LTB4R2: variants seen among roughly 807,000 people sequenced by gnomAD.
LTB4R2 encodes LTB4 receptor JULF2.
Under a neutral mutation model 5.3 loss-of-function variants are expected in LTB4R2, and 6 were observed. The ratio of observed to expected loss-of-function variants is 1.14; its 90% CI spans 0.62 to 2.24. The LOEUF (loss-of-function observed/expected upper bound fraction) is 2.24, where lower values mean the gene tolerates loss of function less well. Ranked by LOEUF, LTB4R2 falls within the 30% of genes most tolerant of loss-of-function variation. The probability of loss-of-function intolerance (pLI) is 0.00; values close to 1 mark genes in which losing one functional copy is unlikely to be tolerated. For missense variants in LTB4R2, 560 were observed against 521.5 expected (o/e 1.07, Z -0.72); for synonymous variants, 310 against 264.2 (o/e 1.17, Z -1.68).
rs377045409 is a variant in LTB4R2, at chr14:24,311,643, C to T, written c.979C>T (p.Leu327Phe). Residue 327 changes from leucine (L) to phenylalanine (F), a missense_variant, in exon 2 of 2, where the codon CTC becomes TTC. By Grantham distance (22) the Leu-to-Phe change is conservative. Transcript: ENST00000533293. Reference sequence around the variant, plus strand: ...CCGCTCTAGGGAAGGGACCATGGAGCTCCGAACTACCCCTCAGCTGAAAGT... The same window carrying T: ...CCGCTCTAGGGAAGGGACCATGGAGTTCCGAACTACCCCTCAGCTGAAAGT... The part of the protein sequence containing the change: ...GGRSREGTME[L>F]RTTPQLKVVG... 1 of 1,613,378 alleles carries T rather than the reference C, an allele frequency of 6.2e-7. No homozygotes were observed. The highest frequency in any genetic ancestry group is 8.5e-7 in the Non-Finnish European group (1 of 1,179,872).
chr14:24,310,820 G>T lies in LTB4R2; in HGVS notation c.156G>T (p.Arg52=). ...GCTTGGCGGGCTGGCGGCCTGCACG[G>T]GGGCGACCGCTGGCGGCCACGCTTG... is the stretch of plus-strand genomic sequence containing the variant. ...VWSLAGWRPA[R]GRPLAATLVL... is the part of the protein sequence containing the mutation. The change falls in exon 2 of 2, where the codon CGG becomes CGT. Residue 52 remains arginine, a synonymous_variant. Transcript: ENST00000533293. The T allele has an allele frequency of 6.3e-7, 1 of 1,594,566 alleles. No individual in the cohort carries two copies. Among genetic ancestry groups the T allele is most frequent in the South Asian group, 1.1e-5 (1 of 90,834 alleles).
At position 24,311,176 on chromosome 14, in the gene LTB4R2, G is replaced by T; in HGVS notation, c.512G>T (p.Cys171Phe). 1 of 1,606,522 alleles carries T rather than the reference G, an allele frequency of 6.2e-7. No homozygotes were observed. Residue 171 changes from cysteine (C) to phenylalanine (F), a missense_variant, in exon 2 of 2, where the codon TGC becomes TTC. Physicochemically the swap from Cys to Phe is radical, Grantham distance 205. Coordinates refer to ENST00000533293, the MANE Select transcript of LTB4R2 (RefSeq NM_019839.5). ...HLWRDRVCQL[C>F]HPSPVHAAAH... is the part of the protein sequence containing the mutation. ...TGGAGGGACCGCGTATGCCAGCTGT[G>T]CCACCCGTCGCCGGTCCACGCCGCC... is the stretch of plus-strand genomic sequence containing the variant.
Position 24,310,643 on chromosome 14 carries a change from A to C in LTB4R2, c.-10-12A>C, listed in dbSNP as rs1594635010. On this transcript the variant is annotated splice_polypyrimidine_tract_variant and intron_variant, in intron 1 of 1. Coordinates refer to ENST00000533293, the MANE Select transcript of LTB4R2 (RefSeq NM_019839.5). ...CTGAACGCCCTCTGTGGCGCCTTCC[A>C]CCCACCTGTAGGCCCAGAAGGATGT... is the stretch of plus-strand genomic sequence containing the variant. The C allele has an allele frequency of 6.2e-7, 1 of 1,613,574 alleles. No individual in the cohort carries two copies. The highest frequency in any genetic ancestry group is 8.5e-7 in the Non-Finnish European group (1 of 1,179,520).
Position 24,310,943 on chromosome 14 carries a change from C to G in LTB4R2, c.279C>G (p.Gly93=). The G allele has an allele frequency of 6.3e-7, 1 of 1,591,698 alleles. No homozygotes were observed. Among genetic ancestry groups the G allele is most frequent in the Non-Finnish European group, 8.5e-7 (1 of 1,176,954 alleles). Residue 93 remains glycine, a synonymous_variant, in exon 2 of 2, where the codon GGC becomes GGG. Coordinates refer to ENST00000533293, the MANE Select transcript of LTB4R2 (RefSeq NM_019839.5). The stretch of plus-strand genomic sequence containing the variant: ...AGGCCTGGCCGCTGGGCCAGGCGGG[C>G]TGCAAGGCGGTGTACTACGTGTGCG... ...TRQAWPLGQA[G]CKAVYYVCAL... is the part of the protein sequence containing the mutation.
Position 24,311,300 on chromosome 14 carries a change from C to A in LTB4R2, c.636C>A (p.Arg212=). The A allele has an allele frequency of 6.3e-7, 1 of 1,591,958 alleles. No individual in the cohort carries two copies. Among genetic ancestry groups the A allele is most frequent in the Admixed American group, 1.8e-5 (1 of 57,026 alleles). ...SVTLARLRGA[R]WGSGRHGARV... ...CGCTGGCACGGCTGCGGGGCGCCCG[C>A]TGGGGCTCCGGGCGGCACGGGGCGC... is the stretch of plus-strand genomic sequence containing the variant. The change falls in exon 2 of 2, where the codon CGC becomes CGA. Residue 212 remains arginine (R), a synonymous_variant. Transcript: ENST00000533293.
rs1594638955 is a variant in LTB4R2, at chr14:24,311,970, T to C, written c.*229T>C. Reference sequence around the variant, plus strand: ...TATTGTGTGCTTGCAAGTTGGCATGTACCCATGTGCCAGCATTGCTTACTT... The same window carrying C: ...TATTGTGTGCTTGCAAGTTGGCATGCACCCATGTGCCAGCATTGCTTACTT... On this transcript the variant is annotated 3_prime_UTR_variant, in exon 2 of 2. Transcript: ENST00000533293. The C allele has an allele frequency of 3.8e-6, 2 of 521,700 alleles. No homozygotes were observed. The highest frequency in any genetic ancestry group is 3.6e-5 in the South Asian group (1 of 27,538). 32.3% of individuals were successfully genotyped at this position (521,700 alleles called of 1,614,324 possible). A position where few individuals can be genotyped will look rare whatever the true frequency, so the allele number is the denominator to read the frequency against.
At position 24,310,674 on chromosome 14, in the gene LTB4R2, T is replaced by G. The variant is rs1292533377; in HGVS notation, c.10T>G (p.Cys4Gly). MSVCYRPPGNETLL... is the reference protein window; with the variant it reads MSVGYRPPGNETLL... The stretch of plus-strand genomic sequence containing the variant: ...CTGTAGGCCCAGAAGGATGTCGGTC[T>G]GCTACCGTCCCCCAGGGAACGAGAC... Residue 4 changes from cysteine to glycine, a missense_variant, in exon 2 of 2, where the codon TGC becomes GGC. Physicochemically the swap from Cys to Gly is radical, Grantham distance 159. Coordinates refer to ENST00000533293, the MANE Select transcript of LTB4R2 (RefSeq NM_019839.5). The G allele has an allele frequency of 6.2e-7, 1 of 1,614,070 alleles. No individual in the cohort carries two copies.
rs773532640 is a variant in LTB4R2 at position 24,311,133 on chromosome 14, G to A, written c.469G>A (p.Ala157Thr). ...CGCCCTGTTGCTCGCCGTCCCGGCC[G>A]CCGTCTACCGCCACCTGTGGAGGGA... is the stretch of plus-strand genomic sequence containing the variant. ...LAALLLAVPA[A>T]VYRHLWRDRV... Residue 157 changes from alanine to threonine, a missense_variant, in exon 2 of 2, where the codon GCC becomes ACC. By Grantham distance (58) the Ala-to-Thr change is moderately conservative. Transcript: ENST00000533293. The A allele has an allele frequency of 7.6e-6, 12 of 1,586,782 alleles. No individual in the cohort carries two copies. Among genetic ancestry groups the A allele is most frequent in the South Asian group, 2.3e-5 (2 of 88,190 alleles).
In LTB4R2 at chr14:24,311,006, G is replaced by A. The variant is rs1374363573; in HGVS notation, c.342G>A (p.Leu114=). 6.3e-7 allele frequency: 1 copy of A among 1,587,034 alleles called. No individual in the cohort carries two copies. Among genetic ancestry groups the A allele is most frequent in the East Asian group, 2.3e-5 (1 of 43,206 alleles). ...SMYASVLLTG[L]LSLQRCLAVT... ...ACGCCAGCGTGCTGCTCACCGGCCT[G>A]CTCAGCCTGCAGCGCTGCCTCGCAG... Residue 114 remains leucine, a synonymous_variant, in exon 2 of 2, where the codon CTG becomes CTA. Transcript: ENST00000533293.
Position 24,310,613 on chromosome 14 carries a change from C to T in LTB4R2, c.-10-42C>T, listed in dbSNP as rs761381291. 6 of 1,587,696 alleles carry T rather than the reference C, an allele frequency of 3.8e-6. No homozygotes were observed. In the East Asian group the frequency reaches 8.9e-5, roughly 24 times the overall value. On this transcript the variant is annotated intron_variant, in intron 1 of 1. Coordinates refer to ENST00000533293, the MANE Select transcript of LTB4R2 (RefSeq NM_019839.5). Reference sequence around the variant, plus strand: ...GGGCATCACAGGTGGGGTTTTGCCCCACCCCTGAACGCCCTCTGTGGCGCC... The same window carrying T: ...GGGCATCACAGGTGGGGTTTTGCCCTACCCCTGAACGCCCTCTGTGGCGCC...
Position 24,310,750 on chromosome 14 carries a change from T to C in LTB4R2, c.86T>C (p.Leu29Pro). 6.2e-7 allele frequency: 1 copy of C among 1,610,906 alleles called. No individual in the cohort carries two copies. The change falls in exon 2 of 2, where the codon CTG (leucine) becomes CCG (proline). Residue 29 changes from leucine to proline, a missense_variant. Coordinates refer to ENST00000533293, the MANE Select transcript of LTB4R2 (RefSeq NM_019839.5). ...GCCACAGGCACAGCCTTCCTGCTGC[T>C]GGCGGCGCTGCTGGGGCTGCCTGGC... ...SRATGTAFLL[L>P]AALLGLPGNG...
Position 24,311,291 on chromosome 14 carries a change from G to A in LTB4R2, c.627G>A (p.Arg209=). Reference sequence around the variant, plus strand: ...ACAGCGTGACGCTGGCACGGCTGCGGGGCGCCCGCTGGGGCTCCGGGCGGC... The same window carrying A: ...ACAGCGTGACGCTGGCACGGCTGCGAGGCGCCCGCTGGGGCTCCGGGCGGC... ...GCYSVTLARL[R]GARWGSGRHG... The change falls in exon 2 of 2, where the codon CGG becomes CGA. Residue 209 remains arginine (R), a synonymous_variant. Coordinates refer to ENST00000533293, the MANE Select transcript of LTB4R2 (RefSeq NM_019839.5). 1 of 1,590,100 alleles carries A rather than the reference G, an allele frequency of 6.3e-7. No individual in the cohort carries two copies. The highest frequency in any genetic ancestry group is 1.1e-5 in the South Asian group (1 of 88,794).
At position 24,311,725 on chromosome 14, in the gene LTB4R2, C is replaced by T. The variant is rs371184608; in HGVS notation, c.1061C>T (p.Pro354Leu). 1.7e-5 allele frequency: 27 copies of T among 1,585,884 alleles called. No individual in the cohort carries two copies. Among genetic ancestry groups the T allele is most frequent in the African/African-American group, 2.7e-5 (2 of 73,906 alleles). ...DPGGGMEKDG[P>L]EWDL is the part of the protein sequence containing the mutation. ...GGGGGTGGGATGGAGAAGGACGGTC[C>T]GGAATGGGACCTTTGACAGCAGACC... Residue 354 changes from proline to leucine, a missense_variant, in exon 2 of 2, where the codon CCG becomes CTG. Pro to Leu is a moderately conservative substitution (Grantham distance 98, BLOSUM62 -3). Coordinates refer to ENST00000533293, the MANE Select transcript of LTB4R2 (RefSeq NM_019839.5).
Position 24,311,421 on chromosome 14 carries a change from G to A in LTB4R2, c.757G>A (p.Ala253Thr), listed in dbSNP as rs756145185. 49 of 1,601,276 alleles carry A rather than the reference G, an allele frequency of 3.1e-5. No homozygotes were observed. The highest frequency in any genetic ancestry group is 4.2e-5 in the Non-Finnish European group (49 of 1,179,750). ...VNLLQAVAAL[A>T]PPEGALAKLG... ...CCTTCTGCAGGCGGTCGCAGCGCTG[G>A]CTCCACCGGAAGGGGCCTTGGCGAA... The change falls in exon 2 of 2, where the codon GCT (alanine) becomes ACT (threonine). Residue 253 changes from alanine to threonine, a missense_variant. Transcript: ENST00000533293.
At position 24,311,642 on chromosome 14, in the gene LTB4R2, G is replaced by A. The variant is rs1469111567; in HGVS notation, c.978G>A (p.Glu326=). 3 of 1,613,356 alleles carry A rather than the reference G, an allele frequency of 1.9e-6. No individual in the cohort carries two copies. In the South Asian group the frequency reaches 3.3e-5, roughly 18 times the overall value. Reference sequence around the variant, plus strand: ...GCCGCTCTAGGGAAGGGACCATGGAGCTCCGAACTACCCCTCAGCTGAAAG... The same window carrying A: ...GCCGCTCTAGGGAAGGGACCATGGAACTCCGAACTACCCCTCAGCTGAAAG... ...GGGRSREGTM[E]LRTTPQLKVV... is the part of the protein sequence containing the mutation. The change falls in exon 2 of 2, where the codon GAG becomes GAA. Residue 326 remains glutamate, a synonymous_variant. Transcript: ENST00000533293.
At chr14:24,310,330 AAAG>A (rs2041648534) in intron 1 of LTB4R2, 75 bp downstream of exon 1, 5 of 597,812 alleles carry the variant, frequency 8.4e-6, no homozygotes, top group East Asian at 5.5e-5. Flanking sequence ...GGGGCTGGAC[AAAG>A]AAGGAGGGGC....
chr14:24,310,578 C>T (rs149607275), intron 1 of LTB4R2, 77 bp from the exon 2 acceptor site: 3 of 1,387,908 alleles, frequency 2.2e-6, no homozygotes, highest in South Asian at 2.3e-5. Flanking sequence ...AGGCATGGCA[C>T]CTTCTCATCG....
intron 1 of LTB4R2, 26 bp from the exon 2 acceptor site, chr14:24,310,629 C>T (rs1837280714): frequency 6.2e-7 from 1 of 1,611,202 alleles, no homozygotes; most frequent in Non-Finnish European, 8.5e-7. Context: ...TGAACGCCCT[C>T]TGTGGCGCCT....
Position 24,311,220 on chromosome 14 carries a change from ACT to A in LTB4R2, c.559_560del (p.Leu187AspfsTer95), listed in dbSNP as rs374257326. On this transcript the variant is annotated frameshift_variant, in exon 2 of 2. Transcript: ENST00000533293. LOFTEE classifies it low-confidence loss of function (END_TRUNC). The stretch of plus-strand genomic sequence containing the variant: ...CGCCGCCGCCCACCTGAGCCTGGAG[ACT>A]CTGACCGCTTTCGTGCTTCCTTTCG... ...VHAAAHLSLE[T>X]LTAFVLPFGL... The A allele has an allele frequency of 3.9e-4, 633 of 1,608,834 alleles. 5 individuals are homozygous for A. The East Asian group carries it at 8.4e-3, about 21-fold the overall frequency.
Sources: allele counts gnomAD v4.1 joint callset, GRCh38; gene constraint gnomAD v4.1.1; transcripts MANE v1.5; gene names NCBI Gene and HGNC (gene_info 2026-07-23, HGNC 2026-07-21).